Variants in MCTP1 observed in about 807,000 individuals in gnomAD.
The protein encoded by MCTP1 is multiple C2 and transmembrane domain-containing protein 1.
MCTP1 carries 69 observed loss-of-function variants against 120.6 expected under a neutral mutation model. The observed-to-expected ratio is 0.57, with a 90% CI of 0.47 to 0.70. The LOEUF (loss-of-function observed/expected upper bound fraction) is 0.70, where lower values mean the gene tolerates loss of function less well. Ranked by LOEUF, MCTP1 falls within the 30% of genes least tolerant of loss-of-function variation. The pLI is 0.00. For synonymous variants in MCTP1, 529 were observed against 493.1 expected (o/e 1.07, Z -0.96); for missense variants, 1,203 against 1,248.8 (o/e 0.96, Z 0.55).
At chr5:94,850,635 A>C (rs1238245857) in intron 17 of MCTP1, among the ~76,000 whole-genome samples, 3 of 152,102 alleles carry the variant, frequency 2.0e-5, no homozygotes, top group African/African-American at 4.8e-5. Context: ...TTAAAACTAC[A>C]ATCTAGTTTC....
chr5:95,273,370 G>A (rs1759561145), intron 1 of MCTP1, among the ~76,000 whole-genome samples: 1 of 152,176 alleles, frequency 6.6e-6, no homozygotes, highest in Non-Finnish European at 1.5e-5. Flanking sequence ...GCACAGGAGA[G>A]AGGATGCATA....
intron 3 of MCTP1, 94 bp downstream of exon 3, chr5:94,953,125 G>T: frequency 8.5e-7 from 1 of 1,177,436 alleles, no homozygotes; most frequent in Non-Finnish European, 1.2e-6. Flanking sequence ...CATCTCTGGT[G>T]AAAACTCTCA....
chr5:95,104,387 C>A (rs1473609171), intron 1 of MCTP1, among the ~76,000 whole-genome samples: 2 of 151,498 alleles, frequency 1.3e-5, no homozygotes, highest in Non-Finnish European at 2.9e-5. Context: ...ATGATTTACC[C>A]CATAAAATTT....
intron 1 of MCTP1, among the ~76,000 whole-genome samples, chr5:95,167,506 C>G (rs531293889): frequency 1.3e-5 from 2 of 152,306 alleles, no homozygotes; most frequent in South Asian, 4.1e-4. Context: ...AATGGTCAAA[C>G]TAGTTTACAG....
At chr5:94,877,088 C>T (rs529893797) in intron 12 of MCTP1, among the ~76,000 whole-genome samples, 134 of 151,942 alleles carry the variant, frequency 8.8e-4, no homozygotes, top group South Asian at 4.8e-3. Context: ...AACTCCAGAA[C>T]ATAAAGAGGG....
chr5:94,894,260 G>A (rs1181971549), intron 11 of MCTP1, among the ~76,000 whole-genome samples: 2 of 152,180 alleles, frequency 1.3e-5, no homozygotes. Flanking sequence ...ATTAACGTAA[G>A]TACCATTAAC....
intron 1 of MCTP1, among the ~76,000 whole-genome samples, chr5:95,274,253 CT>C (rs1228165643): frequency 1.3e-5 from 2 of 152,198 alleles, no homozygotes; most frequent in African/African-American, 4.8e-5. Context: ...CTTTCAATAT[CT>C]CCCTATGTCC....
intron 1 of MCTP1, among the ~76,000 whole-genome samples, chr5:95,023,184 G>A (rs1427650715): frequency 1.3e-5 from 2 of 152,148 alleles, no homozygotes; most frequent in African/African-American, 4.8e-5. Flanking sequence ...AATAGAACCA[G>A]GCTCCAGTGA....
chr5:94,849,834 C>CA (rs924681820), intron 17 of MCTP1, among the ~76,000 whole-genome samples: 10 of 151,422 alleles, frequency 6.6e-5, no homozygotes, highest in South Asian at 2.1e-4. Context: ...AAAACTGCTG[C>CA]AAAAAAAAGA....
chr5:95,279,572 CAAT>C (rs890091156), intron 1 of MCTP1, among the ~76,000 whole-genome samples: 3 of 152,250 alleles, frequency 2.0e-5, no homozygotes, highest in Non-Finnish European at 2.9e-5. Flanking sequence ...GTATACTTTC[CAAT>C]AATAATAACA....
intron 1 of MCTP1, among the ~76,000 whole-genome samples, chr5:95,244,994 A>G (rs983564119): frequency 6.6e-6 from 1 of 152,144 alleles, no homozygotes; most frequent in Non-Finnish European, 1.5e-5. Flanking sequence ...AGGCAGCAAT[A>G]TTAGCTGTTC....
intron 2 of MCTP1, among the ~76,000 whole-genome samples, chr5:95,016,760 A>C (rs926540817): frequency 6.6e-6 from 1 of 152,110 alleles, no homozygotes; most frequent in African/African-American, 2.4e-5. Context: ...CCTGGGTTCA[A>C]GAAATCCCTC....
chr5:95,197,694 A>G (rs866244708), intron 1 of MCTP1, among the ~76,000 whole-genome samples: 1 of 152,168 alleles, frequency 6.6e-6, no homozygotes, highest in Non-Finnish European at 1.5e-5. Context: ...ACATATATAC[A>G]TAAGTTTTTG....
intron 1 of MCTP1, among the ~76,000 whole-genome samples, chr5:95,153,955 AATT>A (rs1378012702): frequency 7.2e-5 from 11 of 152,328 alleles, no homozygotes; most frequent in African/African-American, 2.6e-4. Context: ...ACAATGTAAA[AATT>A]ATATTTTTAG....
chr5:94,873,535 G>A (rs745607365), intron 12 of MCTP1, among the ~76,000 whole-genome samples: 14 of 151,726 alleles, frequency 9.2e-5, no homozygotes, highest in East Asian at 1.9e-4. Context: ...TTCTATAACC[G>A]GCAATTATGA....
chr5:94,798,930 T>A, intron 18 of MCTP1, 83 bp downstream of exon 18: 1 of 1,465,264 alleles, frequency 6.8e-7, no homozygotes, highest in South Asian at 1.3e-5. Context: ...TCCTGGTTTG[T>A]AAAGCCAAAT....
At position 95,140,693 on chromosome 5, in the gene MCTP1, T is replaced by TAAAAA. The variant is rs35248317; in HGVS notation, c.721-123214_721-123210dup. Among the ~76,000 whole-genome samples the TAAAAA allele has an allele frequency of 1.1e-3, 30 of 27,632 alleles. 3 individuals carry two copies. Among genetic ancestry groups the TAAAAA allele is most frequent in the Non-Finnish European group, 1.9e-3 (26 of 14,032 alleles). 18.1% of individuals were successfully genotyped at this position (27,632 alleles called of 152,430 possible). ...TAACACCGTGAAACCCTGTCCCTACTAAAAAAAAAAAAAAAAAAAAAAAAA... is the reference window on the plus strand; with the variant it reads ...TAACACCGTGAAACCCTGTCCCTACTAAAAAAAAAAAAAAAAAAAAAAAAAAAAAA... On this transcript the variant is annotated intron_variant, in intron 1 of 22. Transcript: ENST00000515393.
At chr5:94,965,737 T>C (rs159017) in intron 2 of MCTP1, among the ~76,000 whole-genome samples, 126,619 of 152,166 alleles carry the variant, frequency 0.83, 53,241 homozygotes, top group African/African-American at 0.94. Flanking sequence ...AAACTAATCC[T>C]CAATGTAACA....
At chr5:94,740,427 A>G (rs1765250154) in intron 19 of MCTP1, among the ~76,000 whole-genome samples, 1 of 152,190 alleles carries the variant, frequency 6.6e-6, no homozygotes, top group Admixed American at 6.5e-5. Context: ...TGCATGCAGT[A>G]TTAAAGTCGA....
Sources: allele counts gnomAD v4.1 joint callset (sites outside exome capture counted in the v4.1 genomes callset), GRCh38; gene constraint gnomAD v4.1.1; transcripts MANE v1.5; gene names NCBI Gene and HGNC (gene_info 2026-07-23, HGNC 2026-07-21).